Variants in TENM2 observed in about 807,000 individuals in gnomAD.
TENM2 encodes the protein teneurin transmembrane protein 2, also known as teneurin-2.
Under a neutral mutation model 245.2 loss-of-function variants are expected in TENM2, and 52 were observed. That is an observed-to-expected ratio of 0.21 (90% confidence interval 0.17 to 0.27). The LOEUF (loss-of-function observed/expected upper bound fraction) is 0.27, where lower values mean the gene tolerates loss of function less well. Ranked by LOEUF, TENM2 falls within the 10% of genes least tolerant of loss-of-function variation. The probability of loss-of-function intolerance (pLI) is 1.00; values close to 1 mark genes in which losing one functional copy is unlikely to be tolerated. For synonymous variants in TENM2, 1,363 were observed against 1,438.9 expected (o/e 0.95, Z 1.19); for missense variants, 3,046 against 3,666.8 (o/e 0.83, Z 4.37).
intron 2 of TENM2, among the ~76,000 whole-genome samples, chr5:167,421,992 A>G (rs10475844): frequency 0.6 from 91,008 of 151,778 alleles, 28,071 homozygotes; most frequent in Admixed American, 0.75. Flanking sequence ...GAGTTTCACC[A>G]TCTTGGCCAG....
intron 2 of TENM2, among the ~76,000 whole-genome samples, chr5:167,514,853 A>T (rs889799252): frequency 1.3e-5 from 2 of 152,148 alleles, no homozygotes; most frequent in South Asian, 4.1e-4. Context: ...TCTACTAAAA[A>T]TACAAAAATT....
chr5:167,192,273 T>G, the TENM2 span, among the ~76,000 whole-genome samples: 255 of 152,086 alleles, frequency 1.7e-3, 1 homozygote, highest in Non-Finnish European at 9.7e-4. Flanking sequence ...CATGAATTTT[T>G]TGTGTGTGTG....
At chr5:167,739,109 A>C (rs1760998687) in intron 2 of TENM2, among the ~76,000 whole-genome samples, 1 of 152,190 alleles carries the variant, frequency 6.6e-6, no homozygotes, top group Non-Finnish European at 1.5e-5. Context: ...TTGCAATAGG[A>C]GCCCTCTCCC....
At chr5:167,308,292 G>C (rs1755801466) in intron 1 of TENM2, among the ~76,000 whole-genome samples, 2 of 152,170 alleles carry the variant, frequency 1.3e-5, no homozygotes, top group Non-Finnish European at 2.9e-5. Flanking sequence ...ACAAGTCTCA[G>C]ACAAGTCTCT....
At chr5:167,734,355 A>C (rs539396921) in intron 2 of TENM2, among the ~76,000 whole-genome samples, 17 of 151,918 alleles carry the variant, frequency 1.1e-4, no homozygotes, top group Non-Finnish European at 2.2e-4. Flanking sequence ...AATATGAGAA[A>C]TATTCATCCA....
chr5:167,914,127 A>G lies in TENM2; in HGVS notation c.712+37932A>G, dbSNP rs2083808676. On this transcript the variant is annotated intron_variant, in intron 3 of 28. Transcript: ENST00000518659. ...TATTGACTGAGCCTGGGGGACCTCT[A>G]CCTCTCTGAGTTGACTTGTACAAGT... 1.3e-5 allele frequency among the ~76,000 whole-genome samples: 2 copies of G among 152,102 alleles called. 1 individual carries two copies. Among genetic ancestry groups the G allele is most frequent in the African/African-American group, 4.8e-5 (2 of 41,418 alleles).
At chr5:167,660,524 A>AAAAAAAAAAAAAAAG (rs1755142654) in intron 2 of TENM2, 1 of 151,768 alleles carries the variant, frequency 6.6e-6, no homozygotes, top group African/African-American at 2.4e-5. Flanking sequence ...GTGGTGGTCA[A>AAAAAAAAAAAAAAAG]ATTAGAATAA....
At chr5:167,486,530 G>A (rs550103267) in intron 2 of TENM2, among the ~76,000 whole-genome samples, 78 of 152,004 alleles carry the variant, frequency 5.1e-4, no homozygotes, top group African/African-American at 1.8e-3. Context: ...GGGCTTCACC[G>A]TGTTAGCCAG....
At chr5:168,152,715 C>G (rs763571999) in intron 12 of TENM2, among the ~76,000 whole-genome samples, 30 of 152,184 alleles carry the variant, frequency 2.0e-4, no homozygotes, top group Non-Finnish European at 3.5e-4. Context: ...TTATTGTCAT[C>G]CCTACCTTTG....
In TENM2 at chr5:168,058,602, T is replaced by C. The variant is rs144157871; in HGVS notation, c.1310-3458T>C. 5.9e-3 allele frequency among the ~76,000 whole-genome samples: 898 copies of C among 152,288 alleles called. 4 individuals are homozygous for C. Among genetic ancestry groups the C allele is most frequent in the Admixed American group, 0.01 (154 of 15,304 alleles). On this transcript the variant is annotated intron_variant, in intron 6 of 28. Transcript: ENST00000518659. ...CCTGAACCAGGCCCTGACTCCCAGT[T>C]TTAAGCTTGTCCCCATAAATGAATC... is the stretch of plus-strand genomic sequence containing the variant.
chr5:167,462,054 A>G (rs1231857063), intron 2 of TENM2, among the ~76,000 whole-genome samples: 1 of 152,266 alleles, frequency 6.6e-6, no homozygotes, highest in Admixed American at 6.5e-5. Context: ...TTAAGAGCCA[A>G]TTGATTGATC....
At chr5:168,248,614 A>G (rs1464977740) in intron 27 of TENM2, among the ~76,000 whole-genome samples, 1 of 152,250 alleles carries the variant, frequency 6.6e-6, no homozygotes, top group African/African-American at 2.4e-5. Flanking sequence ...AAATAACTTT[A>G]TAAGAGCCCT....
At chr5:167,299,727 A>G (rs1755192329) in intron 1 of TENM2, among the ~76,000 whole-genome samples, 1 of 152,022 alleles carries the variant, frequency 6.6e-6, no homozygotes, top group South Asian at 2.1e-4. Flanking sequence ...AAATATGGGG[A>G]AATGGGGTGA....
intron 2 of TENM2, among the ~76,000 whole-genome samples, chr5:167,475,582 C>T (rs993230727): frequency 6.6e-6 from 1 of 152,002 alleles, no homozygotes; most frequent in Non-Finnish European, 1.5e-5. Context: ...CACCTGTCAA[C>T]CCATCATCTA....
At chr5:167,685,836 C>G (rs1023393239) in intron 2 of TENM2, among the ~76,000 whole-genome samples, 1 of 152,120 alleles carries the variant, frequency 6.6e-6, no homozygotes, top group Non-Finnish European at 1.5e-5. Flanking sequence ...GCGTGCAGCA[C>G]CAAGGCTGGG....
intron 2 of TENM2, among the ~76,000 whole-genome samples, chr5:167,452,450 G>A (rs536125381): frequency 1.7e-3 from 252 of 152,282 alleles, no homozygotes; most frequent in Non-Finnish European, 3.2e-3. Context: ...AAAGATGTGG[G>A]TTTCCCAGGG....
intron 2 of TENM2, among the ~76,000 whole-genome samples, chr5:167,859,035 G>A (rs1406064883): frequency 6.7e-5 from 10 of 150,142 alleles, no homozygotes; most frequent in African/African-American, 4.9e-5. Context: ...GAGCGTCTCC[G>A]CCCGGCCGCC....
At chr5:167,301,212 A>G (rs2127736512) in intron 1 of TENM2, among the ~76,000 whole-genome samples, 1 of 152,338 alleles carries the variant, frequency 6.6e-6, no homozygotes, top group Middle Eastern at 3.4e-3. Flanking sequence ...CCAGAGTTCC[A>G]GGGGCTCTGG....
At chr5:167,873,089 G>T (rs1353503108) in intron 2 of TENM2, among the ~76,000 whole-genome samples, 2 of 152,226 alleles carry the variant, frequency 1.3e-5, no homozygotes, top group Non-Finnish European at 2.9e-5. Context: ...CTGCTAAGTG[G>T]ACGTCAACAC....
Sources: gnomAD v4.1 joint callset for allele counts (sites outside exome capture counted in the v4.1 genomes callset) on GRCh38, gnomAD v4.1.1 for gene constraint, MANE v1.5 for transcripts, NCBI Gene and HGNC (gene_info 2026-07-23, HGNC 2026-07-21) for gene names.